FAT2: variants seen among roughly 807,000 people sequenced by gnomAD.
The protein encoded by FAT2 is protocadherin Fat 2.
Under a neutral mutation model 295.3 loss-of-function variants are expected in FAT2, and 150 were observed. The ratio of observed to expected loss-of-function variants is 0.51; its 90% confidence interval spans 0.44 to 0.58. The LOEUF (loss-of-function observed/expected upper bound fraction) is 0.58. Ranked by LOEUF, FAT2 falls within the 20% of genes least tolerant of loss-of-function variation. The probability of loss-of-function intolerance (pLI) is 0.00; values close to 1 mark genes in which losing one functional copy is unlikely to be tolerated. For synonymous variants in FAT2, 2,026 were observed against 2,150.3 expected (o/e 0.94, Z 1.60); for missense variants, 4,868 against 5,442.7 (o/e 0.89, Z 3.32).
Position 151,542,956 on chromosome 5 carries a change from T to C in FAT2, c.8171A>G (p.Tyr2724Cys). ...AGGTGTAGTGCCCCGCACTAGACTGTAGATGACTGGATCTTGAGCTGCCAC... is the reference window on the plus strand; with the variant it reads ...AGGTGTAGTGCCCCGCACTAGACTGCAGATGACTGGATCTTGAGCTGCCAC... ...KAVAAQDPVI[Y>C]SLVRGTTPES... Residue 2724 changes from tyrosine to cysteine, a missense_variant, in exon 10 of 24, where the codon TAC becomes TGC. By Grantham distance (194) the Tyr-to-Cys change is radical. Coordinates refer to ENST00000261800, the MANE Select transcript of FAT2 (RefSeq NM_001447.3). 2 of 1,614,226 alleles carry C rather than the reference T, an allele frequency of 1.2e-6. No individual in the cohort carries two copies. The highest frequency in any genetic ancestry group is 8.5e-7 in the Non-Finnish European group (1 of 1,180,036).
chr5:151,507,393 A>G lies in FAT2; in HGVS notation c.12278T>C (p.Val4093Ala), dbSNP rs1760976268. 2 of 1,614,190 alleles carry G rather than the reference A, an allele frequency of 1.2e-6. No homozygotes were observed. The highest frequency in any genetic ancestry group is 2.7e-5 in the African/African-American group (2 of 75,030). Residue 4093 changes from valine (V) to alanine (A), a missense_variant, in exon 23 of 24, where the codon GTT becomes GCT. This residue lies in a region of FAT2 where 492 missense variants were observed against 482.6 expected (regional missense o/e 1.02). Transcript: ENST00000261800. ...DPDLLARSVG[V>A]DTQAMPAIEL... ...GATGGCAGGCATGGCTTGGGTGTCA[A>G]CACCAACACTCCTGGCCAGGAGGTC...
In FAT2 at chr5:151,545,240, C is replaced by G. The variant is rs750499129; in HGVS notation, c.5887G>C (p.Asp1963His). 4 of 1,614,152 alleles carry G rather than the reference C, an allele frequency of 2.5e-6. No individual in the cohort carries two copies. The East Asian group carries it at 6.7e-5, about 27-fold the overall frequency. The change falls in exon 10 of 24, where the codon GAC becomes CAC. Residue 1963 changes from aspartate to histidine, a missense_variant. By Grantham distance (81) the Asp-to-His change is moderately conservative. Coordinates refer to ENST00000261800, the MANE Select transcript of FAT2 (RefSeq NM_001447.3). ...LVKISLTQVL[D>H]KSLQFDQDVY... Reference sequence around the variant, plus strand: ...TCCTGATCAAACTGCAAGCTTTTGTCAAGCACTTGGGTCAAAGAAATTTTT... The same window carrying G: ...TCCTGATCAAACTGCAAGCTTTTGTGAAGCACTTGGGTCAAAGAAATTTTT...
rs1758237219 is a variant in FAT2 at position 151,565,926 on chromosome 5, A to T, written c.3006T>A (p.Ser1002Arg). ...TGCGGGCTAGGGGCCTCCCACCATC[A>T]CTGGCCCACAGGCTCAGATTGTACC... The part of the protein sequence containing the change: ...RAGYNLSLWA[S>R]DGGRPLARRT... Residue 1002 changes from serine (S) to arginine (R), a missense_variant, in exon 2 of 24, where the codon AGT (serine) becomes AGA (arginine). Coordinates refer to ENST00000261800, the MANE Select transcript of FAT2 (RefSeq NM_001447.3). The T allele has an allele frequency of 4.3e-6, 7 of 1,613,746 alleles. No homozygotes were observed. The highest frequency in any genetic ancestry group is 5.9e-6 in the Non-Finnish European group (7 of 1,179,944).
At position 151,552,951 on chromosome 5, in the gene FAT2, G is replaced by A. The variant is rs141072863; in HGVS notation, c.4156+226C>T. On this transcript the variant is annotated intron_variant, in intron 6 of 23. Transcript: ENST00000261800. ...TGAGGCACTGCCAACTCTGGCTGGG[G>A]TTAGAGATCGTGGCTGGAGTGAAAG... 2.0e-5 allele frequency among the ~76,000 whole-genome samples: 3 copies of A among 152,344 alleles called. No homozygotes were observed. The East Asian group carries it at 5.8e-4, about 29-fold the overall frequency.
At chr5:151,532,099 T>C (rs1455380282) in intron 13 of FAT2, 129 bp from the exon 14 acceptor site, 28 of 1,219,954 alleles carry the variant, frequency 2.3e-5, no homozygotes, top group Non-Finnish European at 3.2e-5. Context: ...GGCTTGGGTA[T>C]ATGAAGAGTG....
intron 12 of FAT2, among the ~76,000 whole-genome samples, chr5:151,535,597 C>T (rs1054447175): frequency 6.6e-6 from 1 of 152,144 alleles, no homozygotes; most frequent in Non-Finnish European, 1.5e-5. Flanking sequence ...TATAATAAAC[C>T]AGTAAACACA....
In FAT2 at chr5:151,538,524, G is replaced by C. The variant is rs572612967; in HGVS notation, c.9040-578C>G. On this transcript the variant is annotated intron_variant, in intron 11 of 23. Transcript: ENST00000261800. ...GCAGGTACCGTCATGGCATCTGAGGGAGTGGCAGAGGGGAAAGGCTGGAGC... is the reference window on the plus strand; with the variant it reads ...GCAGGTACCGTCATGGCATCTGAGGCAGTGGCAGAGGGGAAAGGCTGGAGC... 5.3e-5 allele frequency among the ~76,000 whole-genome samples: 8 copies of C among 152,300 alleles called. No homozygotes were observed. In the East Asian group the frequency reaches 1.4e-3, roughly 26 times the overall value.
Position 151,531,963 on chromosome 5 carries a change from A to T in FAT2, c.9435T>A (p.Asn3145Lys), listed in dbSNP as rs2127591996. 6.2e-7 allele frequency: 1 copy of T among 1,614,134 alleles called. No homozygotes were observed. Among genetic ancestry groups the T allele is most frequent in the Non-Finnish European group, 8.5e-7 (1 of 1,179,996 alleles). Residue 3145 changes from asparagine to lysine, a missense_variant, in exon 14 of 24, where the codon AAT becomes AAA. By Grantham distance (94) the Asn-to-Lys change is moderately conservative. Coordinates refer to ENST00000261800, the MANE Select transcript of FAT2 (RefSeq NM_001447.3). This position sits in a 1 kb window ranked among gnomAD's most constrained non-coding sequence, Gnocchi z 5.7. ...CCGGCAGAGAGTAAACCACCTGGGCATTGGCGCCTGGCAGGGAGACCAAGG... is the reference window on the plus strand; with the variant it reads ...CCGGCAGAGAGTAAACCACCTGGGCTTTGGCGCCTGGCAGGGAGACCAAGG... ...VFARDPDQGA[N>K]AQVVYSLPDS... is the part of the protein sequence containing the mutation.
In FAT2 at chr5:151,554,751, T is replaced by G. The variant is rs561291032; in HGVS notation, c.3634-78A>C. The G allele has an allele frequency of 1.3e-4, 143 of 1,120,390 alleles. No homozygotes were observed. In the African/African-American group the frequency reaches 2.2e-3, roughly 17 times the overall value. The allele number at this position is 1,120,390 out of a possible 1,614,324, so 69.4% of individuals were successfully genotyped here. Reference sequence around the variant, plus strand: ...CTATGCTTTAACAACCTGGAAATAGTAGTCACTTTGTTCTTTGGTATGAGC... The same window carrying G: ...CTATGCTTTAACAACCTGGAAATAGGAGTCACTTTGTTCTTTGGTATGAGC... On this transcript the variant is annotated intron_variant, in intron 4 of 23. Transcript: ENST00000261800.
At chr5:151,560,751 A>G (rs1207931058) in intron 3 of FAT2, among the ~76,000 whole-genome samples, 2 of 152,260 alleles carry the variant, frequency 1.3e-5, no homozygotes, top group East Asian at 1.9e-4. Flanking sequence ...TTATCTTCAT[A>G]TAACTCCACA....
intron 9 of FAT2, among the ~76,000 whole-genome samples, chr5:151,547,065 C>T (rs1160155177): frequency 6.6e-6 from 1 of 152,030 alleles, no homozygotes; most frequent in African/African-American, 2.4e-5. Context: ...TTGATGTTTT[C>T]CTTTAAATTA....
In FAT2 at chr5:151,553,210, C is replaced by G. The variant is rs1757377123; in HGVS notation, c.4123G>C (p.Gly1375Arg). The change falls in exon 6 of 24, where the codon GGC becomes CGC. Residue 1375 changes from glycine to arginine, a missense_variant. Physicochemically the swap from Gly to Arg is moderately radical, Grantham distance 125. This residue lies in a region of FAT2 where 3,297 missense variants were observed against 3,669.4 expected (regional missense o/e 0.90). Coordinates refer to ENST00000261800, the MANE Select transcript of FAT2 (RefSeq NM_001447.3). Reference sequence around the variant, plus strand: ...TTGAACCAGAAGAGTCCGGGTCTGCCCTCTACGCTGATGACCCCCACCATG... The same window carrying G: ...TTGAACCAGAAGAGTCCGGGTCTGCGCTCTACGCTGATGACCCCCACCATG... ...NHMVGVISVE[G>R]RPGLFWFNIS... is the part of the protein sequence containing the mutation. 6.2e-7 allele frequency: 1 copy of G among 1,614,250 alleles called. No individual in the cohort carries two copies. Among genetic ancestry groups the G allele is most frequent in the African/African-American group, 1.3e-5 (1 of 75,064 alleles).
At chr5:151,551,358 G>T in intron 7 of FAT2, 109 bp downstream of exon 7, 2 of 1,144,514 alleles carry the variant, frequency 1.7e-6, no homozygotes, top group East Asian at 2.4e-5. Flanking sequence ...TCTAAATTCA[G>T]TGTTCCTTGA....
chr5:151,527,340 C>T lies in FAT2; in HGVS notation c.10202G>A (p.Ser3401Asn). Residue 3401 changes from serine to asparagine, a missense_variant, in exon 17 of 24, where the codon AGT (serine) becomes AAT (asparagine). Around this residue, in one of 5 missense-constraint regions of FAT2, gnomAD observed 1,046 missense variants for 1,210.1 expected, o/e 0.86. Coordinates refer to ENST00000261800, the MANE Select transcript of FAT2 (RefSeq NM_001447.3). ...GTCCTCATGCAGTGGAGGCTGCCCA[C>T]TGTCTGTGGCTCGGAGCTTCAGGGA... ...SYSLKLRATDSGQPPLHEDTD... is the reference protein window; with the variant it reads ...SYSLKLRATDNGQPPLHEDTD... 1 of 1,612,752 alleles carries T rather than the reference C, an allele frequency of 6.2e-7. No homozygotes were observed. The highest frequency in any genetic ancestry group is 1.1e-5 in the South Asian group (1 of 90,960).
chr5:151,510,367 A>C, intron 21 of FAT2, 193 bp from the exon 22 acceptor site: 1 of 569,946 alleles, frequency 1.8e-6, no homozygotes, highest in Non-Finnish European at 3.1e-6. Context: ...CTGCCCTCAA[A>C]CAGCTTACAG....
At chr5:151,592,516 T>G (rs924244056), upstream of FAT2, among the ~76,000 whole-genome samples, 1 of 152,140 alleles carries the variant, frequency 6.6e-6, no homozygotes, top group Non-Finnish European at 1.5e-5. Context: ...TACAAGAAGC[T>G]TATCACCTCT....
chr5:151,509,085 G>A (rs1761111163), intron 22 of FAT2, among the ~76,000 whole-genome samples: 1 of 152,184 alleles, frequency 6.6e-6, no homozygotes, highest in African/African-American at 2.4e-5. Context: ...CACACAGTAT[G>A]AGGCACAGAC....
intron 9 of FAT2, among the ~76,000 whole-genome samples, chr5:151,547,084 A>G (rs1215068058): frequency 1.3e-5 from 2 of 152,198 alleles, no homozygotes; most frequent in African/African-American, 4.8e-5. Context: ...TAACTCACTC[A>G]AATTTTGATA....
intron 6 of FAT2, 56 bp downstream of exon 6, chr5:151,553,121 C>A (rs2127626338): frequency 6.5e-7 from 1 of 1,537,200 alleles, no homozygotes; most frequent in Non-Finnish European, 9.0e-7. Flanking sequence ...AAAACTAGAG[C>A]TGGTGTATAA....
Sources: allele counts gnomAD v4.1 joint callset (sites outside exome capture counted in the v4.1 genomes callset), GRCh38; gene constraint gnomAD v4.1.1; regional missense constraint gnomAD v4.1.1; non-coding constraint Gnocchi (gnomAD v3.1); transcripts MANE v1.5; gene names NCBI Gene and HGNC (gene_info 2026-07-23, HGNC 2026-07-21).